CPQ: variants seen among roughly 807,000 people sequenced by gnomAD.
CPQ encodes the protein Ser-Met dipeptidase.
CPQ carries 37 observed loss-of-function variants against 45.7 expected under a neutral mutation model. The observed-to-expected ratio is 0.81, with a 90% CI of 0.62 to 1.07. CPQ has a LOEUF of 1.07. CPQ is among the 50% of genes least tolerant of loss of function. CPQ has a pLI of 0.00. For missense variants in CPQ, 537 were observed against 572.9 expected, an observed-to-expected ratio of 0.94 and a Z score of 0.64; for synonymous variants, 186 against 205.8, an observed-to-expected ratio of 0.90 and a Z score of 0.82.
intron 4 of CPQ, among the ~76,000 whole-genome samples, chr8:96,964,724 TA>T (rs1813526482): frequency 6.6e-6 from 1 of 152,164 alleles, no homozygotes; most frequent in Non-Finnish European, 1.5e-5. Context: ...TGTAATTTAT[TA>T]TTTTTTTCTT....
At chr8:96,976,880 T>C (rs1269951625) in intron 5 of CPQ, among the ~76,000 whole-genome samples, 1 of 152,140 alleles carries the variant, frequency 6.6e-6, no homozygotes, top group African/African-American at 2.4e-5. Context: ...ATCTAAGACC[T>C]GAAACCACAC....
At chr8:97,046,429 C>T (rs956193796) in intron 6 of CPQ, among the ~76,000 whole-genome samples, 3 of 152,190 alleles carry the variant, frequency 2.0e-5, no homozygotes, top group South Asian at 2.1e-4. Context: ...TTCTCAAAAT[C>T]CATTTCCAAA....
In CPQ at chr8:96,766,843, T is replaced by C. The variant is rs893789899; in HGVS notation, c.-34-18021T>C. ...AGGCATTACTGATGCAGGGAAGCAA[T>C]GCAGAAAACTCCACGGCAAGCTGGG... On this transcript the variant is annotated intron_variant, in intron 1 of 7. Transcript: ENST00000220763. 8.5e-5 allele frequency among the ~76,000 whole-genome samples: 13 copies of C among 152,110 alleles called. No individual in the cohort carries two copies. The South Asian group carries it at 2.5e-3, about 29-fold the overall frequency.
intron 7 of CPQ, among the ~76,000 whole-genome samples, chr8:97,104,807 T>G (rs112966727): frequency 0.013 from 1,947 of 152,276 alleles, 31 homozygotes; most frequent in South Asian, 0.019. Flanking sequence ...TTAGTCTAGG[T>G]CATCATCCCT....
At chr8:97,106,963 A>G (rs1811415784) in intron 7 of CPQ, among the ~76,000 whole-genome samples, 1 of 152,204 alleles carries the variant, frequency 6.6e-6, no homozygotes, top group Non-Finnish European at 1.5e-5. Context: ...AAAACAAATC[A>G]TTGGATTTAA....
chr8:96,734,925 C>T (rs1809961152), intron 1 of CPQ, among the ~76,000 whole-genome samples: 1 of 151,930 alleles, frequency 6.6e-6, no homozygotes, highest in Non-Finnish European at 1.5e-5. Flanking sequence ...TTTTCACATA[C>T]TCTCTTACTT....
chr8:96,756,186 A>G (rs1247558182), intron 1 of CPQ, among the ~76,000 whole-genome samples: 1 of 152,032 alleles, frequency 6.6e-6, no homozygotes, highest in African/African-American at 2.4e-5. Context: ...ATTCTTCCCA[A>G]TTGTAATTTT....
At chr8:97,092,156 G>A (rs564724680) in intron 7 of CPQ, among the ~76,000 whole-genome samples, 2 of 152,258 alleles carry the variant, frequency 1.3e-5, no homozygotes, top group South Asian at 2.1e-4. Context: ...TCATAGCTAA[G>A]GGGAAAATGT....
chr8:96,766,072 T>G (rs530734859), intron 1 of CPQ, among the ~76,000 whole-genome samples: 1 of 152,316 alleles, frequency 6.6e-6, no homozygotes, highest in Non-Finnish European at 1.5e-5. Context: ...AAATTGTCTC[T>G]TACTACTCTA....
At chr8:96,766,565 C>T (rs1436575397) in intron 1 of CPQ, among the ~76,000 whole-genome samples, 1 of 152,094 alleles carries the variant, frequency 6.6e-6, no homozygotes. Context: ...GTGTCAGGGG[C>T]AGGCAGCAGC....
At chr8:96,845,765 G>T (rs1168501181) in intron 3 of CPQ, among the ~76,000 whole-genome samples, 1 of 151,782 alleles carries the variant, frequency 6.6e-6, no homozygotes, top group Non-Finnish European at 1.5e-5. Flanking sequence ...TCTCAGTGTG[G>T]TATGGCCATA....
chr8:96,932,396 G>A (rs1289886026), intron 4 of CPQ, among the ~76,000 whole-genome samples: 1 of 152,094 alleles, frequency 6.6e-6, no homozygotes, highest in Non-Finnish European at 1.5e-5. Context: ...GCATCATAAA[G>A]TATGTATCCT....
chr8:96,834,831 T>A, intron 2 of CPQ, 142 bp from the exon 3 acceptor site: 1 of 607,904 alleles, frequency 1.6e-6, no homozygotes, highest in Non-Finnish European at 2.7e-6. Context: ...CCTTTTCCCA[T>A]GGTAAATGGC....
intron 2 of CPQ, among the ~76,000 whole-genome samples, chr8:96,814,377 T>A (rs1013133511): frequency 6.6e-6 from 1 of 152,270 alleles, no homozygotes. Flanking sequence ...GACCAGAAGC[T>A]GGAAAGCCAA....
chr8:96,803,004 C>CAG (rs1811026798), intron 2 of CPQ, among the ~76,000 whole-genome samples: 1 of 151,866 alleles, frequency 6.6e-6, no homozygotes, highest in African/African-American at 2.4e-5. Context: ...CACACACACA[C>CAG]ACACACACAC....
intron 7 of CPQ, among the ~76,000 whole-genome samples, chr8:97,084,812 C>CTGTGTGTG (rs140213784): frequency 1.6e-3 from 235 of 150,528 alleles, no homozygotes; most frequent in African/African-American, 3.5e-3. Flanking sequence ...TGTGTATACT[C>CTGTGTGTG]TGTGTGTGTG....
chr8:97,128,652 T>G (rs974269966), intron 7 of CPQ, among the ~76,000 whole-genome samples: 1 of 152,124 alleles, frequency 6.6e-6, no homozygotes, highest in Non-Finnish European at 1.5e-5. Context: ...GCCGTTGCAC[T>G]CCAGCCTGGG....
intron 7 of CPQ, among the ~76,000 whole-genome samples, chr8:97,086,181 T>TTTGA (rs1326571903): frequency 6.6e-6 from 1 of 152,178 alleles, no homozygotes; most frequent in African/African-American, 2.4e-5. Flanking sequence ...ATTTTGAAAA[T>TTTGA]TTGATTGCAT....
At chr8:97,045,274 C>G (rs1168020794) in intron 6 of CPQ, among the ~76,000 whole-genome samples, 1 of 152,214 alleles carries the variant, frequency 6.6e-6, no homozygotes, top group African/African-American at 2.4e-5. Context: ...ACTCCGTGGG[C>G]ATAGTACCTT....
Sources: gnomAD v4.1 joint callset for allele counts (sites outside exome capture counted in the v4.1 genomes callset) on GRCh38, gnomAD v4.1.1 for gene constraint, MANE v1.5 for transcripts, NCBI Gene and HGNC (gene_info 2026-07-23, HGNC 2026-07-21) for gene names.